WWOX: variants seen among roughly 807,000 people sequenced by gnomAD.
WWOX encodes the protein WW domain-containing oxidoreductase.
In WWOX, 69 loss-of-function variants were observed where a neutral mutation model predicts 46.2. That is an observed-to-expected ratio of 1.49 (90% CI 1.23 to 1.82). The LOEUF (loss-of-function observed/expected upper bound fraction) is 1.82. Ranked by LOEUF, WWOX falls within the 40% of genes most tolerant of loss-of-function variation. WWOX has a pLI of 0.00. For synonymous variants in WWOX, 359 were observed against 202.6 expected, an observed-to-expected ratio of 1.77 and a Z score of -6.56; for missense variants, 919 against 542.6, an observed-to-expected ratio of 1.69 and a Z score of -6.89.
chr16:79,190,040 A>G (rs933618373), intron 8 of WWOX, among the ~76,000 whole-genome samples: 1 of 151,788 alleles, frequency 6.6e-6, no homozygotes, highest in African/African-American at 2.4e-5. Context: ...AATTATTATT[A>G]TTATTTTTTG....
chr16:78,699,114 A>G (rs2048159662), intron 8 of WWOX, among the ~76,000 whole-genome samples: 1 of 152,220 alleles, frequency 6.6e-6, no homozygotes, highest in East Asian at 1.9e-4. Flanking sequence ...TAGGCAATAC[A>G]CAAATCAATG....
At chr16:78,927,095 C>T (rs1340476582) in intron 8 of WWOX, among the ~76,000 whole-genome samples, 4 of 152,218 alleles carry the variant, frequency 2.6e-5, no homozygotes, top group Admixed American at 2.0e-4. Context: ...CATGCCCTGC[C>T]CAGGCACCAT....
At chr16:78,862,934 T>C (rs541970124) in intron 8 of WWOX, among the ~76,000 whole-genome samples, 7 of 152,040 alleles carry the variant, frequency 4.6e-5, no homozygotes, top group South Asian at 4.2e-4. Context: ...ACACATACAA[T>C]TAGACATCAT....
chr16:78,178,970 A>G (rs560489071), intron 5 of WWOX, among the ~76,000 whole-genome samples: 132 of 152,276 alleles, frequency 8.7e-4, no homozygotes, highest in Non-Finnish European at 1.6e-3. Context: ...AAATGTTTAC[A>G]TGGGGCTGTG....
chr16:78,806,036 A>T (rs892287099), intron 8 of WWOX, among the ~76,000 whole-genome samples: 1 of 152,222 alleles, frequency 6.6e-6, no homozygotes, highest in African/African-American at 2.4e-5. Context: ...ATCCAAAGCC[A>T]CTTGAGGCTC....
chr16:78,856,760 AAC>A lies in WWOX; in HGVS notation c.1057-354842_1057-354841del, dbSNP rs58959507. Among the ~76,000 whole-genome samples the A allele has an allele frequency of 8.3e-3, 1,259 of 152,344 alleles. 20 individuals carry two copies. Among genetic ancestry groups the A allele is most frequent in the African/African-American group, 0.029 (1,195 of 41,566 alleles). ...TAGAAATATACATGTACATAGATTTAACACACATATTCACGAACATACACATT... is the reference window on the plus strand; with the variant it reads ...TAGAAATATACATGTACATAGATTTAACACATATTCACGAACATACACATT... On this transcript the variant is annotated intron_variant, in intron 8 of 8. Transcript: ENST00000566780.
rs2151385825 is a variant in WWOX, at chr16:78,432,468, T to C, written c.792-20T>C. On this transcript the variant is annotated intron_variant, in intron 7 of 8. Coordinates refer to ENST00000566780, the MANE Select transcript of WWOX (RefSeq NM_016373.4). Reference sequence around the variant, plus strand: ...GAAGTCAGAACTTGGTTGCTTCATGTCATATTTCCTATTTTTAAGATTTAC... The same window carrying C: ...GAAGTCAGAACTTGGTTGCTTCATGCCATATTTCCTATTTTTAAGATTTAC... The C allele has an allele frequency of 6.2e-7, 1 of 1,613,076 alleles. No homozygotes were observed. The highest frequency in any genetic ancestry group is 1.7e-5 in the Admixed American group (1 of 60,010).
At chr16:78,897,677 T>C (rs779374595) in intron 8 of WWOX, 36 of 152,218 alleles carry the variant, frequency 2.4e-4, no homozygotes, top group Non-Finnish European at 5.1e-4. Flanking sequence ...TATGTTTTTA[T>C]GTATTTTTGA....
At chr16:79,097,260 A>G (rs2049095090) in intron 8 of WWOX, among the ~76,000 whole-genome samples, 1 of 151,700 alleles carries the variant, frequency 6.6e-6, no homozygotes, top group Non-Finnish European at 1.5e-5. Flanking sequence ...CCAGGCCCTC[A>G]TGCCTAGCTG....
intron 8 of WWOX, among the ~76,000 whole-genome samples, chr16:78,577,041 A>G (rs1220486411): frequency 6.6e-6 from 1 of 152,126 alleles, no homozygotes; most frequent in Non-Finnish European, 1.5e-5. Flanking sequence ...AGGTAGCCCC[A>G]TTTCACCCAT....
chr16:79,092,406 A>C (rs1222973204), intron 8 of WWOX, among the ~76,000 whole-genome samples: 2 of 152,164 alleles, frequency 1.3e-5, no homozygotes. Context: ...CAGAGGCGAT[A>C]TCACTTAGTT....
At chr16:78,473,419 C>G (rs1166233153) in intron 8 of WWOX, among the ~76,000 whole-genome samples, 2 of 152,254 alleles carry the variant, frequency 1.3e-5, no homozygotes, top group East Asian at 1.9e-4. Context: ...CATGAGCCGA[C>G]CTTTTTATGT....
intron 7 of WWOX, among the ~76,000 whole-genome samples, chr16:78,431,885 T>C (rs528491180): frequency 6.6e-6 from 1 of 152,022 alleles, no homozygotes; most frequent in Admixed American, 6.6e-5. Context: ...CTCAACTAAT[T>C]GTTTATTTTT....
intron 8 of WWOX, among the ~76,000 whole-genome samples, chr16:79,096,926 T>G (rs1216254809): frequency 6.6e-6 from 1 of 151,552 alleles, no homozygotes; most frequent in African/African-American, 2.4e-5. Flanking sequence ...CAGGGTCGGG[T>G]GGGGACATCT....
chr16:79,040,839 T>G (rs1026073829), intron 8 of WWOX, among the ~76,000 whole-genome samples: 1 of 151,930 alleles, frequency 6.6e-6, no homozygotes, highest in East Asian at 1.9e-4. Flanking sequence ...GTACTGGGAT[T>G]TTTTTCCGAT....
intron 8 of WWOX, among the ~76,000 whole-genome samples, chr16:78,486,474 A>C (rs938776759): frequency 2.0e-5 from 3 of 152,254 alleles, no homozygotes; most frequent in East Asian, 3.9e-4. Context: ...CTAGGTCTTA[A>C]AGTTCCTGAT....
At chr16:79,049,810 G>C (rs966296593) in intron 8 of WWOX, among the ~76,000 whole-genome samples, 1 of 150,248 alleles carries the variant, frequency 6.7e-6, no homozygotes, top group Non-Finnish European at 1.5e-5. Context: ...ACACCAGCCT[G>C]GCCGACAGAG....
At chr16:78,838,484 C>G (rs2052050928) in intron 8 of WWOX, among the ~76,000 whole-genome samples, 1 of 152,054 alleles carries the variant, frequency 6.6e-6, no homozygotes, top group Non-Finnish European at 1.5e-5. Flanking sequence ...AAAGCCAATC[C>G]CAAAAGATTA....
rs540915420 is a variant in WWOX at position 78,453,416 on chromosome 16, A to G, written c.1056+20664A>G. ...TCAGCCTGGGCGCATGAGCGAGACTATGTCTCAAAAAAAAAAAAAAAATTT... is the reference window on the plus strand; with the variant it reads ...TCAGCCTGGGCGCATGAGCGAGACTGTGTCTCAAAAAAAAAAAAAAAATTT... On this transcript the variant is annotated intron_variant, in intron 8 of 8. Coordinates refer to ENST00000566780, the MANE Select transcript of WWOX (RefSeq NM_016373.4). 6.1e-5 allele frequency among the ~76,000 whole-genome samples: 9 copies of G among 147,362 alleles called. No individual in the cohort carries two copies. The East Asian group carries it at 8.5e-4, about 14-fold the overall frequency.
Sources: gnomAD v4.1 joint callset for allele counts (sites outside exome capture counted in the v4.1 genomes callset) on GRCh38, gnomAD v4.1.1 for gene constraint, MANE v1.5 for transcripts, NCBI Gene and HGNC (gene_info 2026-07-23, HGNC 2026-07-21) for gene names.